TUBA3D: variants seen among roughly 807,000 people sequenced by gnomAD.
The protein encoded by TUBA3D is tubulin alpha-3D chain.
TUBA3D carries 24 observed loss-of-function variants against 36.1 expected under a neutral mutation model. The ratio of observed to expected loss-of-function variants is 0.66; its 90% CI spans 0.48 to 0.93. The LOEUF is 0.93. Ranked by LOEUF, TUBA3D falls within the 40% of genes least tolerant of loss-of-function variation. The probability of loss-of-function intolerance (pLI) is 0.00; values close to 1 mark genes in which losing one functional copy is unlikely to be tolerated. For missense variants in TUBA3D, 356 were observed against 614.5 expected (o/e 0.58, Z 4.45); for synonymous variants, 185 against 247.2 (o/e 0.75, Z 2.36).
intron 4 of TUBA3D, 38 bp from the exon 5 acceptor site, chr2:131,482,514 T>C (rs1014562173): frequency 6.4e-7 from 1 of 1,564,044 alleles, no homozygotes; most frequent in South Asian, 1.2e-5. Flanking sequence ...AGGTTTGATA[T>C]AAGCTTCATG....
chr2:131,479,275 A>C (rs1445922291), intron 2 of TUBA3D, 33 bp from the exon 3 acceptor site: 1 of 1,609,666 alleles, frequency 6.2e-7, no homozygotes, highest in Admixed American at 1.7e-5. Context: ...TACAGGCCTT[A>C]AAAATTCACA....
chr2:131,478,145 T>C lies in TUBA3D; in HGVS notation c.4-19T>C. ...TTGCCTTGAAATGAATGGGTTCACT[T>C]TTATGTTCCTGTTCACAGCGCGAGT... On this transcript the variant is annotated intron_variant, in intron 1 of 4. Coordinates refer to ENST00000321253, the MANE Select transcript of TUBA3D (RefSeq NM_080386.4). The C allele has an allele frequency of 6.2e-7, 1 of 1,605,980 alleles. No homozygotes were observed. Among genetic ancestry groups the C allele is most frequent in the Non-Finnish European group, 8.5e-7 (1 of 1,173,648 alleles).
chr2:131,482,615 G>A lies in TUBA3D; in HGVS notation c.1120G>A (p.Ala374Thr), dbSNP rs1228848633. The A allele has an allele frequency of 6.2e-7, 1 of 1,614,138 alleles. No individual in the cohort carries two copies. Among genetic ancestry groups the A allele is most frequent in the African/African-American group, 1.3e-5 (1 of 75,068 alleles). The change falls in exon 5 of 5, where the codon GCC becomes ACC. Residue 374 changes from alanine (A) to threonine (T), a missense_variant. This residue lies in a region of TUBA3D where 156 missense variants were observed against 219.8 expected (regional missense o/e 0.71). Coordinates refer to ENST00000321253, the MANE Select transcript of TUBA3D (RefSeq NM_080386.4). ...GGGAGACCTGGCCAAGGTGCAGCGG[G>A]CCGTGTGCATGCTGAGCAACACCAC... ...PGGDLAKVQR[A>T]VCMLSNTTAI...
rs1167376558 is a variant in TUBA3D, at chr2:131,478,344, G to C, written c.184G>C (p.Val62Leu). 11 of 1,613,846 alleles carry C rather than the reference G, an allele frequency of 6.8e-6. No individual in the cohort carries two copies. The South Asian group carries it at 1.1e-4, about 16-fold the overall frequency. ...CAGTGAGACTGGAGCTGGCAAGCAC[G>C]TGCCCAGAGCAGTGTTTGTGGACCT... ...FFSETGAGKHVPRAVFVDLEP... is the reference protein window; with the variant it reads ...FFSETGAGKHLPRAVFVDLEP... Residue 62 changes from valine to leucine, a missense_variant, in exon 2 of 5, where the codon GTG (valine) becomes CTG (leucine). By Grantham distance (32) the Val-to-Leu change is conservative. Around this residue, in one of 3 missense-constraint regions of TUBA3D, gnomAD observed 109 missense variants for 153.7 expected, o/e 0.71. Transcript: ENST00000321253.
Position 131,479,973 on chromosome 2 carries a change from C to T in TUBA3D, c.376-96C>T, listed in dbSNP as rs557940576. 4 of 1,453,152 alleles carry T rather than the reference C, an allele frequency of 2.8e-6. No homozygotes were observed. In the Admixed American group the frequency reaches 9.6e-5, roughly 35 times the overall value. The allele number at this position is 1,453,152 out of a possible 1,614,324, so 90.0% of individuals were successfully genotyped here. A position where few individuals can be genotyped will look rare whatever the true frequency, so the allele number is the denominator to read the frequency against. On this transcript the variant is annotated intron_variant, in intron 3 of 4. Coordinates refer to ENST00000321253, the MANE Select transcript of TUBA3D (RefSeq NM_080386.4). ...TATTATGGATGATTTGAATCCATAT[C>T]AACTCTTTAGAGGCAAAGAGAAGCG...
intron 2 of TUBA3D, 142 bp from the exon 3 acceptor site, chr2:131,479,166 G>T: frequency 7.3e-7 from 1 of 1,361,634 alleles, no homozygotes. Flanking sequence ...TTTTCTACCA[G>T]ACACTGCCAC....
intron 4 of TUBA3D, among the ~76,000 whole-genome samples, chr2:131,481,540 G>C (rs1678868008): frequency 6.6e-6 from 1 of 150,592 alleles, no homozygotes; most frequent in Non-Finnish European, 1.5e-5. Flanking sequence ...GGCTCAAGCA[G>C]TTCTCTGCCT....
At chr2:131,477,092 C>T (rs1678700648) in intron 1 of TUBA3D, among the ~76,000 whole-genome samples, 2 of 150,846 alleles carry the variant, frequency 1.3e-5, no homozygotes, top group Admixed American at 6.6e-5. Context: ...GGCTGGAGCA[C>T]AGTTGCAGGA....
chr2:131,476,189 C>A lies in TUBA3D; in HGVS notation c.-11C>A. The A allele has an allele frequency of 1.2e-6, 2 of 1,613,950 alleles. No homozygotes were observed. The highest frequency in any genetic ancestry group is 1.7e-6 in the Non-Finnish European group (2 of 1,179,986). ...TGGCAGTAGCGTTGGGCTGAAGCAG[C>A]GGAGTTCGCCATGGTAAGGCCCGGG... On this transcript the variant is annotated 5_prime_UTR_variant, in exon 1 of 5. Transcript: ENST00000321253.
chr2:131,481,526 C>A (rs1678867498), intron 4 of TUBA3D, among the ~76,000 whole-genome samples: 1 of 151,820 alleles, frequency 6.6e-6, no homozygotes, highest in Non-Finnish European at 1.5e-5. Context: ...ACCTCCACCT[C>A]CCGGGCTCAA....
rs963972297 is a variant in TUBA3D, at chr2:131,478,028, C to T, written c.4-136C>T. 7 of 1,204,682 alleles carry T rather than the reference C, an allele frequency of 5.8e-6. No homozygotes were observed. The African/African-American group carries it at 1.1e-4, about 19-fold the overall frequency. The allele number at this position is 1,204,682 out of a possible 1,614,324, so 74.6% of individuals were successfully genotyped here. ...AGCGATAAAGGGATCAGTCACTAAC[C>T]CTCCTAGGAAATATCGATTGTGAAA... On this transcript the variant is annotated intron_variant, in intron 1 of 4. Coordinates refer to ENST00000321253, the MANE Select transcript of TUBA3D (RefSeq NM_080386.4).
chr2:131,478,196 G>A lies in TUBA3D; in HGVS notation c.36G>A (p.Ala12=), dbSNP rs751068564. The A allele has an allele frequency of 3.7e-6, 6 of 1,613,916 alleles. No individual in the cohort carries two copies. Among genetic ancestry groups the A allele is most frequent in the African/African-American group, 1.3e-5 (1 of 74,944 alleles). Residue 12 remains alanine, a synonymous_variant, in exon 2 of 5, where the codon GCG becomes GCA. Transcript: ENST00000321253. ...GTATCTCTATCCACGTGGGGCAGGCGGGTGTCCAGATCGGCAATGCCTGCT... is the reference window on the plus strand; with the variant it reads ...GTATCTCTATCCACGTGGGGCAGGCAGGTGTCCAGATCGGCAATGCCTGCT... The part of the protein sequence containing the change: ...RECISIHVGQ[A]GVQIGNACWE...
Position 131,478,329 on chromosome 2 carries a change from G to A in TUBA3D, c.169G>A (p.Gly57Arg), listed in dbSNP as rs1406912568. 1.2e-6 allele frequency: 2 copies of A among 1,614,000 alleles called. No individual in the cohort carries two copies. The highest frequency in any genetic ancestry group is 1.7e-6 in the Non-Finnish European group (2 of 1,179,876). ...CTTCAACACGTTCTTCAGTGAGACT[G>A]GAGCTGGCAAGCACGTGCCCAGAGC... ...DSFNTFFSETGAGKHVPRAVF... is the reference protein window; with the variant it reads ...DSFNTFFSETRAGKHVPRAVF... Residue 57 changes from glycine to arginine, a missense_variant, in exon 2 of 5, where the codon GGA becomes AGA. Physicochemically the swap from Gly to Arg is moderately radical, Grantham distance 125. This residue lies in a region of TUBA3D where 109 missense variants were observed against 153.7 expected (regional missense o/e 0.71). Transcript: ENST00000321253.
chr2:131,476,163 C>T lies in TUBA3D; in HGVS notation c.-37C>T, dbSNP rs1255262588. On this transcript the variant is annotated 5_prime_UTR_variant, in exon 1 of 5. Coordinates refer to ENST00000321253, the MANE Select transcript of TUBA3D (RefSeq NM_080386.4). ...AGCAGCTGTGGCAGCCGGTTGAGGT[C>T]TGGCAGTAGCGTTGGGCTGAAGCAG... is the stretch of plus-strand genomic sequence containing the variant. 3.1e-6 allele frequency: 5 copies of T among 1,613,592 alleles called. No individual in the cohort carries two copies. Among genetic ancestry groups the T allele is most frequent in the South Asian group, 1.1e-5 (1 of 91,058 alleles).
Position 131,480,691 on chromosome 2 carries a change from C to T in TUBA3D, c.998C>T (p.Ala333Val), listed in dbSNP as rs763283112. The change falls in exon 4 of 5, where the codon GCC becomes GTC. Residue 333 changes from alanine (A) to valine (V), a missense_variant. By Grantham distance (64) the Ala-to-Val change is moderately conservative. Around this residue, in one of 3 missense-constraint regions of TUBA3D, gnomAD observed 156 missense variants for 219.8 expected, o/e 0.71. Transcript: ENST00000321253. ...CCCAAAGACGTCAACGCGGCCATCG[C>T]CACCATCAAGACCAAGCGCACCATC... is the stretch of plus-strand genomic sequence containing the variant. Reference protein sequence around the residue: ...VVPKDVNAAIATIKTKRTIQF... With the variant: ...VVPKDVNAAIVTIKTKRTIQF... 8 of 1,613,700 alleles carry T rather than the reference C, an allele frequency of 5.0e-6. No individual in the cohort carries two copies. The highest frequency in any genetic ancestry group is 6.8e-6 in the Non-Finnish European group (8 of 1,179,948).
At chr2:131,478,670 C>T (rs568123431) in intron 2 of TUBA3D, 4 of 567,538 alleles carry the variant, frequency 7.0e-6, no homozygotes, top group Non-Finnish European at 1.2e-5. Flanking sequence ...CTCAGGTGGC[C>T]CTGCCTGCAG....
chr2:131,478,931 C>T (rs2105269869), intron 2 of TUBA3D, among the ~76,000 whole-genome samples: 1 of 152,302 alleles, frequency 6.6e-6, no homozygotes, highest in African/African-American at 2.4e-5. Context: ...GATGGGACTG[C>T]CCTGCAGAAG....
chr2:131,479,312 A>G lies in TUBA3D; in HGVS notation c.231A>G (p.Glu77=), dbSNP rs1356042281. 1.2e-6 allele frequency: 2 copies of G among 1,613,592 alleles called. No individual in the cohort carries two copies. Among genetic ancestry groups the G allele is most frequent in the Non-Finnish European group, 1.7e-6 (2 of 1,179,738 alleles). ...FVDLEPTVVD[E]VRTGTYRQLF... is the part of the protein sequence containing the mutation. ...CACACACTGTCTCTTTTGCAGATGA[A>G]GTGCGCACAGGGACCTACAGGCAGC... The change falls in exon 3 of 5, where the codon GAA becomes GAG. Residue 77 remains glutamate, a synonymous_variant. Transcript: ENST00000321253.
chr2:131,479,201 T>C (rs1484252068), intron 2 of TUBA3D, 107 bp from the exon 3 acceptor site: 17 of 1,499,714 alleles, frequency 1.1e-5, no homozygotes, highest in Admixed American at 4.3e-5. Context: ...ATGTAGGTCA[T>C]GTACTTTGAA....
Sources: gnomAD v4.1 joint callset for allele counts (sites outside exome capture counted in the v4.1 genomes callset) on GRCh38, gnomAD v4.1.1 for gene constraint, gnomAD v4.1.1 regional missense constraint, MANE v1.5 for transcripts, NCBI Gene and HGNC (gene_info 2026-07-23, HGNC 2026-07-21) for gene names.